DNAJC5B: variants seen among roughly 807,000 people sequenced by gnomAD.
The protein encoded by DNAJC5B is DnaJ heat shock protein family (Hsp40) member C5 beta.
A neutral mutation model predicts 24.7 loss-of-function variants in DNAJC5B; 23 were observed. That is an observed-to-expected ratio of 0.93 (90% CI 0.67 to 1.32). DNAJC5B has a LOEUF of 1.32. DNAJC5B is among the 40% of genes most tolerant of loss of function. The pLI is 0.00. For missense variants in DNAJC5B, 238 were observed against 240.8 expected, an observed-to-expected ratio of 0.99 and a Z score of 0.08; for synonymous variants, 101 against 90.1, an observed-to-expected ratio of 1.12 and a Z score of -0.68.
At chr8:66,087,832 G>A (rs1444393993) in intron 5 of DNAJC5B, among the ~76,000 whole-genome samples, 1 of 152,162 alleles carries the variant, frequency 6.6e-6, no homozygotes, top group Non-Finnish European at 1.5e-5. Flanking sequence ...GCTCTGCAGG[G>A]TACAGCCCCT....
intron 5 of DNAJC5B, among the ~76,000 whole-genome samples, chr8:66,096,712 G>A (rs1318029965): frequency 2.0e-5 from 3 of 151,836 alleles, no homozygotes; most frequent in Non-Finnish European, 4.4e-5. Context: ...GTGTTTGTGT[G>A]GTAAATATGT....
chr8:66,019,001 T>C (rs941266373), upstream of DNAJC5B, among the ~76,000 whole-genome samples: 3 of 152,202 alleles, frequency 2.0e-5, no homozygotes, highest in African/African-American at 4.8e-5. Flanking sequence ...TTCTGTGTGC[T>C]CCAGGTGTGA....
intron 5 of DNAJC5B, among the ~76,000 whole-genome samples, chr8:66,082,265 T>C (rs986352746): frequency 5.9e-5 from 9 of 151,850 alleles, no homozygotes; most frequent in Admixed American, 5.9e-4. Flanking sequence ...TAACTGAACT[T>C]TTCCTTTACA....
chr8:66,088,302 A>G (rs1430330387), intron 5 of DNAJC5B, among the ~76,000 whole-genome samples: 1 of 152,174 alleles, frequency 6.6e-6, no homozygotes, highest in Admixed American at 6.5e-5. Context: ...TGCACAGAGC[A>G]GTGGGGCCCT....
intron 2 of DNAJC5B, among the ~76,000 whole-genome samples, chr8:66,048,709 A>T (rs989997403): frequency 6.6e-6 from 1 of 152,178 alleles, no homozygotes; most frequent in African/African-American, 2.4e-5. Context: ...CACCAAGACC[A>T]TACAGATCTG....
At chr8:66,079,698 T>A (rs934446078) in intron 4 of DNAJC5B, among the ~76,000 whole-genome samples, 5 of 152,190 alleles carry the variant, frequency 3.3e-5, no homozygotes, top group Non-Finnish European at 7.3e-5. Flanking sequence ...TCACATGGGT[T>A]CAAGAGAACA....
chr8:66,076,211 T>C (rs563297134), intron 3 of DNAJC5B, among the ~76,000 whole-genome samples: 1 of 152,334 alleles, frequency 6.6e-6, no homozygotes, highest in South Asian at 2.1e-4. Flanking sequence ...GAGACTTTTT[T>C]GATAGCTGAG....
chr8:66,034,119 TG>T (rs1336460593), intron 1 of DNAJC5B, among the ~76,000 whole-genome samples: 3 of 152,040 alleles, frequency 2.0e-5, no homozygotes, highest in Admixed American at 2.0e-4. Context: ...GTGGGTCAAA[TG>T]ACCCTATGTG....
At chr8:66,078,572 G>A (rs1265923192) in intron 4 of DNAJC5B, among the ~76,000 whole-genome samples, 1 of 152,040 alleles carries the variant, frequency 6.6e-6, no homozygotes, top group African/African-American at 2.4e-5. Flanking sequence ...AATAATATGG[G>A]AATTGCATGG....
the DNAJC5B span, among the ~76,000 whole-genome samples, chr8:66,015,654 G>C: frequency 6.6e-6 from 1 of 152,162 alleles, no homozygotes; most frequent in African/African-American, 2.4e-5. Context: ...GTATTAAATG[G>C]GGGCTCAGGT....
intron 5 of DNAJC5B, among the ~76,000 whole-genome samples, chr8:66,098,732 C>A (rs7008244): frequency 2.0e-5 from 3 of 151,894 alleles, no homozygotes; most frequent in Admixed American, 1.3e-4. Context: ...TTCTACTTCA[C>A]TAATTCTTTC....
intron 3 of DNAJC5B, among the ~76,000 whole-genome samples, chr8:66,054,013 T>G (rs13252592): frequency 3.2e-4 from 49 of 151,004 alleles, no homozygotes; most frequent in Non-Finnish European, 7.4e-5. Flanking sequence ...TTAATGGCTG[T>G]GGCCTACGGT....
chr8:66,071,057 T>A (rs1807336718), intron 3 of DNAJC5B, among the ~76,000 whole-genome samples: 1 of 152,140 alleles, frequency 6.6e-6, no homozygotes, highest in Non-Finnish European at 1.5e-5. Context: ...CAACTCAAGA[T>A]GGATCAAAGA....
At chr8:66,090,621 G>A (rs537359351) in intron 5 of DNAJC5B, among the ~76,000 whole-genome samples, 1 of 152,106 alleles carries the variant, frequency 6.6e-6, no homozygotes, top group East Asian at 1.9e-4. Flanking sequence ...CCACTCACCT[G>A]GATAAAACCC....
At chr8:66,064,075 C>T (rs1245607074) in intron 3 of DNAJC5B, among the ~76,000 whole-genome samples, 1 of 152,088 alleles carries the variant, frequency 6.6e-6, no homozygotes, top group Non-Finnish European at 1.5e-5. Context: ...GTTTGAGTAG[C>T]ATTCAAGTGC....
At chr8:66,015,280 G>C in the DNAJC5B span, among the ~76,000 whole-genome samples, 6 of 152,268 alleles carry the variant, frequency 3.9e-5, no homozygotes, top group African/African-American at 1.2e-4. Flanking sequence ...GGAGAGTTTG[G>C]TAGTGATGCC....
At chr8:66,087,338 T>G (rs1311205899) in intron 5 of DNAJC5B, among the ~76,000 whole-genome samples, 1 of 152,172 alleles carries the variant, frequency 6.6e-6, no homozygotes, top group Non-Finnish European at 1.5e-5. Flanking sequence ...TTCCACCAGG[T>G]CCGTCCCTCA....
upstream of DNAJC5B, among the ~76,000 whole-genome samples, chr8:66,018,409 A>G (rs1806019247): frequency 6.6e-6 from 1 of 152,086 alleles, no homozygotes; most frequent in African/African-American, 2.4e-5. Flanking sequence ...AAGCCCAGCT[A>G]CTAAGGAAGC....
rs554634875 is a variant in DNAJC5B at position 66,042,336 on chromosome 8, G to A, written c.-141-1152G>A. On this transcript the variant is annotated intron_variant, in intron 1 of 5. Transcript: ENST00000276570. Reference sequence around the variant, plus strand: ...CACTACTTAACTTTTTGAAACTAATGTTCTATGTAATACTTTAAAGATTAA... The same window carrying A: ...CACTACTTAACTTTTTGAAACTAATATTCTATGTAATACTTTAAAGATTAA... 5.4e-3 allele frequency among the ~76,000 whole-genome samples: 826 copies of A among 152,242 alleles called. 7 individuals carry two copies. The highest frequency in any genetic ancestry group is 0.017 in the South Asian group (80 of 4,830).
Sources: gnomAD v4.1 joint callset for allele counts (sites outside exome capture counted in the v4.1 genomes callset) on GRCh38, gnomAD v4.1.1 for gene constraint, MANE v1.5 for transcripts, NCBI Gene and HGNC (gene_info 2026-07-23, HGNC 2026-07-21) for gene names.